The following IL1RAPL1 variants were observed in gnomAD, a reference collection of about 807,000 sequenced individuals.
IL1RAPL1 encodes interleukin-1 receptor accessory protein-like 1.
Under a neutral mutation model 48.4 loss-of-function variants are expected in IL1RAPL1, and 3 were observed. That is an observed-to-expected ratio of 0.06 (90% CI 0.03 to 0.16). The LOEUF (loss-of-function observed/expected upper bound fraction) is 0.16. IL1RAPL1 is among the 10% of genes least tolerant of loss of function. The pLI, the probability that IL1RAPL1 is intolerant of heterozygous loss-of-function variation, is 1.00. For missense variants in IL1RAPL1, 349 were observed against 530.6 expected, an observed-to-expected ratio of 0.66 and a Z score of 3.36; for synonymous variants, 185 against 187.7, an observed-to-expected ratio of 0.99 and a Z score of 0.12.
At chrX:29,786,254 C>T (rs1929495302) in intron 6 of IL1RAPL1, among the ~76,000 whole-genome samples, 1 of 111,330 alleles carries the variant, frequency 9.0e-6, no homozygotes, top group African/African-American at 3.3e-5. Context: ...ACATACAGTA[C>T]ACAATGTCAA....
chrX:28,870,370 G>T (rs1922178366), intron 2 of IL1RAPL1, among the ~76,000 whole-genome samples: 1 of 110,940 alleles, frequency 9.0e-6, no homozygotes, highest in South Asian at 3.8e-4. Context: ...TTAACTGTAG[G>T]CTTTACATTC....
In IL1RAPL1 at chrX:29,941,766, T is replaced by C. The variant is rs745362805; in HGVS notation, c.1173T>C (p.Asn391=). ...YKIEIMLFYR[N]HFGAEELDGD... ...TAGAAATCATGCTCTTCTACAGGAA[T>C]CATTTTGGAGCTGAAGAGCTCGATG... Residue 391 remains asparagine, a synonymous_variant, in exon 9 of 11, where the codon AAT becomes AAC. Transcript: ENST00000378993. The C allele has an allele frequency of 1.1e-5, 13 of 1,207,652 alleles. No individual in the cohort carries two copies. In the South Asian group the frequency reaches 1.8e-4, roughly 16 times the overall value.
rs397897010 is a variant in IL1RAPL1, at chrX:29,350,191, T to TTATATATATATATATATATA, written c.363-46053_363-46034dup. On this transcript the variant is annotated intron_variant, in intron 3 of 10. Transcript: ENST00000378993. ...CTCCCTTGGTCTACATACTGTTATT[T>TTATATATATATATATATATA]TATATATATATATATATATATATAT... Among the ~76,000 whole-genome samples, 30 of 39,416 alleles carry TTATATATATATATATATATA rather than the reference T, an allele frequency of 7.6e-4. 1 individual carries two copies. The highest frequency in any genetic ancestry group is 4.4e-3 in the African/African-American group (25 of 5,746). The allele number at this position is 39,416 out of a possible 115,157, so 34.2% of individuals were successfully genotyped here.
chrX:29,799,925 T>A (rs1929833580), intron 6 of IL1RAPL1, among the ~76,000 whole-genome samples: 1 of 112,241 alleles, frequency 8.9e-6, no homozygotes, highest in Non-Finnish European at 1.9e-5. Context: ...GTGTACAACC[T>A]GTTCATTTCC....
At chrX:28,730,244 G>A (rs942198853) in intron 1 of IL1RAPL1, among the ~76,000 whole-genome samples, 7 of 111,210 alleles carry the variant, frequency 6.3e-5, no homozygotes, top group African/African-American at 2.3e-4. Flanking sequence ...AACTAAACCA[G>A]CACATATTGG....
rs377166008 is a variant in IL1RAPL1, at chrX:29,326,954, T to G, written c.362+43737T>G. 4.7e-4 allele frequency among the ~76,000 whole-genome samples: 53 copies of G among 112,072 alleles called. No individual in the cohort carries two copies. In the East Asian group the frequency reaches 9.7e-3, roughly 21 times the overall value. On this transcript the variant is annotated intron_variant, in intron 3 of 10. Transcript: ENST00000378993. ...CACATTCCCACTCTTTTACATAATA[T>G]TTCTTCAGAAAAAGGCAAGAAGAAG...
At chrX:29,281,341 CA>C (rs1932198415) in intron 2 of IL1RAPL1, among the ~76,000 whole-genome samples, 1 of 111,729 alleles carries the variant, frequency 9.0e-6, no homozygotes, top group East Asian at 2.8e-4. Flanking sequence ...GTAAAATTCA[CA>C]ACTTCTCTGT....
chrX:29,558,821 G>C (rs61102950), intron 5 of IL1RAPL1, among the ~76,000 whole-genome samples: 17,457 of 111,047 alleles, frequency 0.16, 2,153 homozygotes, highest in African/African-American at 0.42. Flanking sequence ...TAGCATGCTT[G>C]TTGAAGATCA....
At chrX:29,102,823 A>G (rs748223539) in intron 2 of IL1RAPL1, among the ~76,000 whole-genome samples, 8 of 111,957 alleles carry the variant, frequency 7.1e-5, no homozygotes, top group South Asian at 3.7e-4. Flanking sequence ...TAGCATTTCT[A>G]TATGCCAACA....
At chrX:28,596,842 T>C (rs766727748) in intron 1 of IL1RAPL1, among the ~76,000 whole-genome samples, 2 of 111,533 alleles carry the variant, frequency 1.8e-5, no homozygotes, top group Non-Finnish European at 3.8e-5. Context: ...TCCACAGATA[T>C]GGAAGGCCAC....
Position 29,430,226 on chromosome X carries a change from G to A in IL1RAPL1, c.703+30918G>A, listed in dbSNP as rs1934403968. ...AATAAAAATAACACAAACTTCCTGG[G>A]GTCCCCTTACTACCCATATCCCCAT... is the stretch of plus-strand genomic sequence containing the variant. On this transcript the variant is annotated intron_variant, in intron 5 of 10. Transcript: ENST00000378993. Among the ~76,000 whole-genome samples the A allele has an allele frequency of 2.7e-5, 3 of 110,771 alleles. No homozygotes were observed. In the South Asian group the frequency reaches 1.1e-3, roughly 42 times the overall value.
chrX:28,603,497 A>G (rs1934049926), intron 1 of IL1RAPL1, among the ~76,000 whole-genome samples: 1 of 111,598 alleles, frequency 9.0e-6, no homozygotes, highest in African/African-American at 3.3e-5. Context: ...CTAGCTATGT[A>G]TTTTTCTCAT....
chrX:28,734,927 T>C (rs1328495624), intron 1 of IL1RAPL1, among the ~76,000 whole-genome samples: 1 of 112,261 alleles, frequency 8.9e-6, no homozygotes, highest in African/African-American at 3.2e-5. Context: ...CTGCATGATA[T>C]AGGCAGTGAA....
At chrX:29,259,147 T>C (rs1212158116) in intron 2 of IL1RAPL1, among the ~76,000 whole-genome samples, 1 of 111,927 alleles carries the variant, frequency 8.9e-6, no homozygotes, top group Non-Finnish European at 1.9e-5. Flanking sequence ...AAGCCTTTTC[T>C]ATTTCTAACA....
chrX:29,619,975 A>G (rs1291711747), intron 5 of IL1RAPL1, among the ~76,000 whole-genome samples: 1 of 111,506 alleles, frequency 9.0e-6, no homozygotes, highest in Non-Finnish European at 1.9e-5. Context: ...GACATAAGTG[A>G]TTCATATATG....
chrX:29,836,939 T>C (rs1430239961), intron 6 of IL1RAPL1, among the ~76,000 whole-genome samples: 2 of 110,149 alleles, frequency 1.8e-5, no homozygotes, highest in Admixed American at 2.0e-4. Flanking sequence ...GTTATCAACA[T>C]ATCATGCTGC....
intron 6 of IL1RAPL1, among the ~76,000 whole-genome samples, chrX:29,777,044 G>A (rs1202999230): frequency 8.9e-6 from 1 of 111,768 alleles, no homozygotes; most frequent in Non-Finnish European, 1.9e-5. Flanking sequence ...AAATTCACTG[G>A]TCTTTATTGT....
At chrX:29,499,961 C>T (rs762156351) in intron 5 of IL1RAPL1, among the ~76,000 whole-genome samples, 156 of 110,409 alleles carry the variant, frequency 1.4e-3, no homozygotes, top group Non-Finnish European at 2.3e-3. Flanking sequence ...CATTAGAATT[C>T]TTCTTTTTTC....
At chrX:29,562,034 TTCTATCTATCTATCTA>T (rs61324448) in intron 5 of IL1RAPL1, among the ~76,000 whole-genome samples, 362 of 93,075 alleles carry the variant, frequency 3.9e-3, no homozygotes, top group Non-Finnish European at 5.7e-3. Context: ...TCTTTTTCAA[TTCTATCTATCTATCTA>T]TCTATCTATC....
Sources: allele counts gnomAD v4.1 joint callset (sites outside exome capture counted in the v4.1 genomes callset), GRCh38; gene constraint gnomAD v4.1.1; transcripts MANE v1.5; gene names NCBI Gene and HGNC (gene_info 2026-07-23, HGNC 2026-07-21).